CRB2: variants seen among roughly 807,000 people sequenced by gnomAD.
The protein encoded by CRB2 is protein crumbs homolog 2.
In CRB2, 85 loss-of-function variants were observed where a neutral mutation model predicts 110.9. That is an observed-to-expected ratio of 0.77 (90% confidence interval 0.64 to 0.92). The LOEUF (loss-of-function observed/expected upper bound fraction) is 0.92. CRB2 is among the 40% of genes least tolerant of loss of function. The probability of loss-of-function intolerance (pLI) is 0.00; values close to 1 mark genes in which losing one functional copy is unlikely to be tolerated. For synonymous variants in CRB2, 907 were observed against 831.0 expected, an observed-to-expected ratio of 1.09 and a Z score of -1.57; for missense variants, 1,843 against 1,851.3, an observed-to-expected ratio of 1.00 and a Z score of 0.08.
In CRB2 at chr9:123,372,313, C is replaced by T. The variant is rs375315089; in HGVS notation, c.2573C>T (p.Thr858Met). The change falls in exon 9 of 13, where the codon ACG becomes ATG. Residue 858 changes from threonine to methionine, a missense_variant. Physicochemically the swap from Thr to Met is moderately conservative, Grantham distance 81. Coordinates refer to ENST00000373631, the MANE Select transcript of CRB2 (RefSeq NM_173689.7). Reference protein sequence around the residue: ...CPGQPCLPPATCEEVPDGFVC... With the variant: ...CPGQPCLPPAMCEEVPDGFVC... ...GGCCAGCCCTGTCTCCCACCTGCCA[C>T]GTGTGAGGAGGTCCCTGATGGCTTT... 3.4e-5 allele frequency: 55 copies of T among 1,607,110 alleles called. No homozygotes were observed. The highest frequency in any genetic ancestry group is 4.5e-5 in the East Asian group (2 of 44,872).
chr9:123,369,994 T>G, intron 6 of CRB2, 114 bp from the exon 7 acceptor site: 1 of 1,240,892 alleles, frequency 8.1e-7, no homozygotes, highest in Non-Finnish European at 1.1e-6. Context: ...CCTCTGGGAA[T>G]TGGTTTGGCT....
chr9:123,377,469 G>A lies in CRB2; in HGVS notation c.*407G>A, dbSNP rs893384172. The A allele has an allele frequency of 5.9e-6, 1 of 169,264 alleles. No individual in the cohort carries two copies. Among genetic ancestry groups the A allele is most frequent in the Admixed American group, 6.2e-5 (1 of 16,234 alleles). The allele number at this position is 169,264 out of a possible 1,614,324, so 10.5% of individuals were successfully genotyped here. ...GGCGTGTCTGCCGTGTTTACTGTGT[G>A]TCTATGACTGTGATGGGTGTAGCTG... On this transcript the variant is annotated 3_prime_UTR_variant, in exon 13 of 13. Transcript: ENST00000373631.
Position 123,356,246 on chromosome 9 carries a change from GCAGAGC to G in CRB2, c.-14_-9del, listed in dbSNP as rs758385663. On this transcript the variant is annotated 5_prime_UTR_variant, in exon 1 of 13. Transcript: ENST00000373631. ...CGTTCTCACAGCAGCCGAGCAGAGCGCAGAGCGGGCTGCCATGGCGCTGGCCAGGCC... is the reference window on the plus strand; with the variant it reads ...CGTTCTCACAGCAGCCGAGCAGAGCGGGGCTGCCATGGCGCTGGCCAGGCC... 109 of 1,327,076 alleles carry G rather than the reference GCAGAGC, an allele frequency of 8.2e-5. 3 individuals are homozygous for G. In the South Asian group the frequency reaches 1.5e-3, roughly 18 times the overall value. 82.2% of individuals were successfully genotyped at this position (1,327,076 alleles called of 1,614,324 possible). A position where few individuals can be genotyped will look rare whatever the true frequency, so the allele number is the denominator to read the frequency against.
intron 1 of CRB2, among the ~76,000 whole-genome samples, chr9:123,361,869 G>A (rs966646890): frequency 3.3e-5 from 5 of 152,200 alleles, no homozygotes; most frequent in Non-Finnish European, 7.3e-5. Flanking sequence ...CAAAGCTCAA[G>A]TTCTCACCTG....
intron 1 of CRB2, among the ~76,000 whole-genome samples, chr9:123,362,376 C>G (rs1452768523): frequency 6.6e-6 from 1 of 152,068 alleles, no homozygotes; most frequent in Non-Finnish European, 1.5e-5. Context: ...GGAGGGAGAC[C>G]CCTCCCCAGG....
At chr9:123,358,801 G>C (rs183681562) in intron 1 of CRB2, among the ~76,000 whole-genome samples, 1 of 152,386 alleles carries the variant, frequency 6.6e-6, no homozygotes, top group Non-Finnish European at 1.5e-5. Flanking sequence ...AACGAGGACA[G>C]ACTGGCTTAC....
In CRB2 at chr9:123,378,650, G is replaced by C. The variant is rs904270300; in HGVS notation, c.*1588G>C. 7.9e-5 allele frequency: 12 copies of C among 152,110 alleles called. No homozygotes were observed. Among genetic ancestry groups the C allele is most frequent in the African/African-American group, 2.7e-4 (11 of 41,382 alleles). The allele number at this position is 152,110 out of a possible 1,614,324, so 9.4% of individuals were successfully genotyped here. A position where few individuals can be genotyped will look rare whatever the true frequency, so the allele number is the denominator to read the frequency against. ...ACCCTTGGGAGCGTGGGGAGGAGGC[G>C]GCTGGTTCCAGGGTCAGTTTACTAA... On this transcript the variant is annotated 3_prime_UTR_variant, in exon 13 of 13. Transcript: ENST00000373631.
chr9:123,378,805 G>GTTTTTTTT (rs1166539194), downstream of CRB2: 23 of 100,968 alleles, frequency 2.3e-4, no homozygotes, highest in African/African-American at 9.5e-4. Context: ...CCTGTTTTTT[G>GTTTTTTTT]TTTTTTTTTT....
chr9:123,379,131 A>T (rs1388971403), downstream of CRB2, among the ~76,000 whole-genome samples: 1 of 2,876 alleles, frequency 3.5e-4, no homozygotes, highest in East Asian at 0.028. Context: ...TCAGCCTGTC[A>T]GTCAGTCAGT....
At chr9:123,361,438 C>A (rs1228575692) in intron 1 of CRB2, among the ~76,000 whole-genome samples, 1 of 152,182 alleles carries the variant, frequency 6.6e-6, no homozygotes, top group African/African-American at 2.4e-5. Context: ...GGTCAGGCCA[C>A]AGGACAGCCC....
chr9:123,363,304 C>A, intron 2 of CRB2, 116 bp downstream of exon 2: 3 of 1,126,518 alleles, frequency 2.7e-6, no homozygotes, highest in Admixed American at 2.2e-5. Context: ...CCCAGGCATC[C>A]GGGCAGCTCT....
chr9:123,375,452 T>A, intron 12 of CRB2, 109 bp downstream of exon 12: 3 of 1,324,000 alleles, frequency 2.3e-6, no homozygotes, highest in South Asian at 1.7e-5. Context: ...GGCCACTCTG[T>A]CATGGGGTGG....
At chr9:123,367,488 A>G in intron 5 of CRB2, 85 bp from the exon 6 acceptor site, 2 of 1,255,296 alleles carry the variant, frequency 1.6e-6, no homozygotes, top group South Asian at 1.3e-5. Flanking sequence ...TCTTGGACTC[A>G]GTCTCTCTAG....
chr9:123,366,566 G>A (rs2041935414), intron 4 of CRB2, among the ~76,000 whole-genome samples, 200 bp downstream of exon 4: 1 of 152,244 alleles, frequency 6.6e-6, no homozygotes, highest in Admixed American at 6.5e-5. Flanking sequence ...CTGCTCCTGG[G>A]GTTGCTGCGG....
intron 2 of CRB2, among the ~76,000 whole-genome samples, chr9:123,365,511 A>C (rs1382023290): frequency 6.6e-6 from 1 of 152,020 alleles, no homozygotes; most frequent in African/African-American, 2.4e-5. Context: ...TTGGAATCCA[A>C]CTGCTGCCCA....
Position 123,375,349 on chromosome 9 carries a change from T to C in CRB2, c.3633+6T>C. The stretch of plus-strand genomic sequence containing the variant: ...GCCAGTTCTGTGAAGTGGCGGTGAG[T>C]GTTGTCAGGGGTGAGGGGCCGTGGA... On this transcript the variant is annotated splice_donor_region_variant and intron_variant, in intron 12 of 12. Transcript: ENST00000373631. The C allele has an allele frequency of 6.3e-7, 1 of 1,580,640 alleles. No individual in the cohort carries two copies. Among genetic ancestry groups the C allele is most frequent in the African/African-American group, 1.3e-5 (1 of 74,292 alleles).
In CRB2 at chr9:123,358,845, CAGTGAGCGG is replaced by C. The variant is rs550357693; in HGVS notation, c.94+2492_94+2500del. 4.7e-3 allele frequency among the ~76,000 whole-genome samples: 712 copies of C among 152,338 alleles called. 12 individuals carry two copies. The highest frequency in any genetic ancestry group is 7.0e-3 in the Non-Finnish European group (479 of 68,026). On this transcript the variant is annotated intron_variant, in intron 1 of 12. Transcript: ENST00000373631. ...CTGGTATAAGGATTGGAAGAGAATG[CAGTGAGCGG>C]TTCCCCACCCCAGGTTTTGGCATGG...
intron 1 of CRB2, among the ~76,000 whole-genome samples, chr9:123,358,431 C>T (rs2041824318): frequency 6.6e-6 from 1 of 152,196 alleles, no homozygotes; most frequent in Non-Finnish European, 1.5e-5. Flanking sequence ...TCCGGCCCCT[C>T]CTCCAGCCAG....
At chr9:123,379,835 C>T (rs2042187747), downstream of CRB2, 1 of 152,550 alleles carries the variant, frequency 6.6e-6, no homozygotes, top group Middle Eastern at 3.2e-3. Flanking sequence ...AGCACCTCCT[C>T]TGCCCTATCC....
Sources: allele counts gnomAD v4.1 joint callset (sites outside exome capture counted in the v4.1 genomes callset), GRCh38; gene constraint gnomAD v4.1.1; transcripts MANE v1.5; gene names NCBI Gene and HGNC (gene_info 2026-07-23, HGNC 2026-07-21).